The following MYO1B variants were observed in gnomAD, a reference collection of about 807,000 sequenced individuals.
The protein encoded by MYO1B is myosin IB.
Under a neutral mutation model 159.7 loss-of-function variants are expected in MYO1B, and 72 were observed. The ratio of observed to expected loss-of-function variants is 0.45; its 90% CI spans 0.37 to 0.55. MYO1B has a LOEUF of 0.55. MYO1B is among the 20% of genes least tolerant of loss of function. MYO1B has a pLI of 0.00. For missense variants in MYO1B, 1,062 were observed against 1,364.8 expected (o/e 0.78, Z 3.50); for synonymous variants, 468 against 473.8 (o/e 0.99, Z 0.16).
intron 2 of MYO1B, among the ~76,000 whole-genome samples, chr2:191,283,047 G>A (rs1392503782): frequency 6.6e-6 from 1 of 152,208 alleles, no homozygotes; most frequent in East Asian, 1.9e-4. Flanking sequence ...CAAATCATGA[G>A]GGTGAAGGGA....
chr2:191,387,922 A>C (rs563478775), intron 17 of MYO1B: 17 of 192,994 alleles, frequency 8.8e-5, no homozygotes, highest in Admixed American at 2.1e-4. Context: ...TCCCTGTGAG[A>C]GGTGTAGGCC....
intron 3 of MYO1B, among the ~76,000 whole-genome samples, chr2:191,323,014 A>G (rs1261485726): frequency 6.6e-6 from 1 of 152,194 alleles, no homozygotes; most frequent in African/African-American, 2.4e-5. Context: ...TTTCCAGGAA[A>G]GGGGTGGGCA....
rs745930325 is a variant in MYO1B, at chr2:191,402,651, G to T, written c.2489G>T (p.Arg830Leu). The T allele has an allele frequency of 6.2e-7, 1 of 1,613,676 alleles. No individual in the cohort carries two copies. The highest frequency in any genetic ancestry group is 8.5e-7 in the Non-Finnish European group (1 of 1,179,744). Residue 830 changes from arginine (R) to leucine (L), a missense_variant, in exon 24 of 31, where the codon CGC (arginine) becomes CTC (leucine). By Grantham distance (102) the Arg-to-Leu change is moderately radical. Coordinates refer to ENST00000392318, the MANE Select transcript of MYO1B (RefSeq NM_001130158.3). ...TTCTAGGCTCGAAGGGAATTGAAAC[G>T]CTTGAAGGAGGAGGCTAGGCGTAAG... ...LGSKARRELKRLKEEARRKHA... is the reference protein window; with the variant it reads ...LGSKARRELKLLKEEARRKHA...
chr2:191,252,676 GA>G (rs2125660280), intron 1 of MYO1B, among the ~76,000 whole-genome samples: 1 of 152,270 alleles, frequency 6.6e-6, no homozygotes, highest in Admixed American at 6.5e-5. Context: ...TTTAACAGGG[GA>G]CGGATCTGAG....
At chr2:191,420,769 G>T (rs375477504) in intron 30 of MYO1B, among the ~76,000 whole-genome samples, 2 of 152,264 alleles carry the variant, frequency 1.3e-5, no homozygotes, top group South Asian at 4.2e-4. Context: ...GTGTACAATA[G>T]ATACACATAT....
intron 1 of MYO1B, among the ~76,000 whole-genome samples, chr2:191,264,794 A>G (rs928013960): frequency 6.6e-6 from 1 of 151,244 alleles, no homozygotes; most frequent in African/African-American, 2.4e-5. Context: ...CAGATCTAGG[A>G]TGCATGCTCA....
At chr2:191,315,201 ATCTT>A (rs1272356603) in intron 3 of MYO1B, among the ~76,000 whole-genome samples, 31 of 151,636 alleles carry the variant, frequency 2.0e-4, no homozygotes, top group Admixed American at 8.5e-4. Context: ...CCACCCATCC[ATCTT>A]CCCATCCATC....
intron 1 of MYO1B, among the ~76,000 whole-genome samples, chr2:191,266,232 A>G (rs918351510): frequency 1.3e-5 from 2 of 152,170 alleles, no homozygotes; most frequent in African/African-American, 4.8e-5. Flanking sequence ...AAGAGTAGGT[A>G]AGCTCTTCAG....
chr2:191,353,907 C>T (rs1693089075), intron 7 of MYO1B, among the ~76,000 whole-genome samples: 4 of 152,166 alleles, frequency 2.6e-5, no homozygotes, highest in Admixed American at 2.6e-4. Context: ...CAAATACATG[C>T]TCTATAAGGA....
At chr2:191,261,032 G>C (rs913280009) in intron 1 of MYO1B, among the ~76,000 whole-genome samples, 1 of 152,150 alleles carries the variant, frequency 6.6e-6, no homozygotes. Flanking sequence ...TTCCAGACTT[G>C]CTGGATTTGT....
At chr2:191,412,863 G>A (rs140959630) in intron 27 of MYO1B, among the ~76,000 whole-genome samples, 256 of 152,158 alleles carry the variant, frequency 1.7e-3, no homozygotes, top group South Asian at 5.8e-3. Context: ...AAATTGCCCT[G>A]ATTCTGAATG....
intron 4 of MYO1B, among the ~76,000 whole-genome samples, chr2:191,331,446 C>G (rs570995149): frequency 7.5e-4 from 114 of 152,266 alleles, no homozygotes; most frequent in African/African-American, 2.7e-3. Context: ...TCAATTCTGC[C>G]TCTACCTATT....
chr2:191,358,865 T>C (rs1693472824), intron 7 of MYO1B, among the ~76,000 whole-genome samples: 1 of 152,226 alleles, frequency 6.6e-6, no homozygotes, highest in Admixed American at 6.5e-5. Context: ...GTAGACCAAG[T>C]GGAAGGTCAT....
intron 4 of MYO1B, among the ~76,000 whole-genome samples, chr2:191,332,105 G>A (rs1691520442): frequency 6.6e-6 from 1 of 152,172 alleles, no homozygotes; most frequent in Admixed American, 6.5e-5. Context: ...TGGGATTACA[G>A]GTGCCCACCA....
intron 17 of MYO1B, among the ~76,000 whole-genome samples, chr2:191,389,833 C>T (rs918516403): frequency 2.0e-5 from 3 of 152,136 alleles, no homozygotes; most frequent in Non-Finnish European, 4.4e-5. Flanking sequence ...ACTTGTGTTA[C>T]CCCATCCAGA....
At chr2:191,321,095 G>A (rs1440769568) in intron 3 of MYO1B, among the ~76,000 whole-genome samples, 1 of 152,108 alleles carries the variant, frequency 6.6e-6, no homozygotes, top group Non-Finnish European at 1.5e-5. Context: ...TGTTTGGGAT[G>A]TGGATATGAC....
Position 191,362,318 on chromosome 2 carries a change from G to C in MYO1B, c.712G>C (p.Asp238His). The change falls in exon 9 of 31, where the codon GAT (aspartate) becomes CAT (histidine). Residue 238 changes from aspartate (D) to histidine (H), a missense_variant. By Grantham distance (81) the Asp-to-His change is moderately conservative. Coordinates refer to ENST00000392318, the MANE Select transcript of MYO1B (RefSeq NM_001130158.3). ...CAGCAGGTATAACTACCTGAGTCTGGATTCGGCCAAAGTGAATGGAGTGGA... is the reference window on the plus strand; with the variant it reads ...CAGCAGGTATAACTACCTGAGTCTGCATTCGGCCAAAGTGAATGGAGTGGA... ...DFSRYNYLSL[D>H]SAKVNGVDDA... The C allele has an allele frequency of 6.2e-7, 1 of 1,613,906 alleles. No homozygotes were observed. The highest frequency in any genetic ancestry group is 8.5e-7 in the Non-Finnish European group (1 of 1,179,832).
chr2:191,326,822 G>A (rs892512015), intron 3 of MYO1B, among the ~76,000 whole-genome samples: 6 of 148,742 alleles, frequency 4.0e-5, no homozygotes, highest in African/African-American at 1.5e-4. Flanking sequence ...GTGTGCGCGC[G>A]CCATATATGT....
intron 1 of MYO1B, among the ~76,000 whole-genome samples, chr2:191,256,452 C>A (rs1686455972): frequency 6.6e-6 from 1 of 151,792 alleles, no homozygotes; most frequent in Non-Finnish European, 1.5e-5. Context: ...TTCAGCCTTT[C>A]CTGCAATGCT....
Sources: allele counts gnomAD v4.1 joint callset (sites outside exome capture counted in the v4.1 genomes callset), GRCh38; gene constraint gnomAD v4.1.1; transcripts MANE v1.5; gene names NCBI Gene and HGNC (gene_info 2026-07-23, HGNC 2026-07-21).